USP34: variants seen among roughly 807,000 people sequenced by gnomAD.
USP34 encodes ubiquitin carboxyl-terminal hydrolase 34.
In USP34, 70 loss-of-function variants were observed where a neutral mutation model predicts 460.3. That is an observed-to-expected ratio of 0.15 (90% confidence interval 0.13 to 0.19). The LOEUF is 0.19. USP34 is among the 10% of genes least tolerant of loss of function. The pLI is 1.00. For missense variants in USP34, 3,985 were observed against 4,236.2 expected (o/e 0.94, Z 1.65); for synonymous variants, 1,647 against 1,405.3 (o/e 1.17, Z -3.85).
At chr2:61,391,831 T>C (rs1693355964) in intron 5 of USP34, among the ~76,000 whole-genome samples, 1 of 152,188 alleles carries the variant, frequency 6.6e-6, no homozygotes, top group African/African-American at 2.4e-5. Flanking sequence ...AGAAATTAGC[T>C]TGCAGAGAGC....
chr2:61,248,945 G>A (rs943013564), intron 48 of USP34, among the ~76,000 whole-genome samples: 1 of 152,152 alleles, frequency 6.6e-6, no homozygotes, highest in Non-Finnish European at 1.5e-5. Context: ...CACAGCAAGA[G>A]ATTAACAAGT....
At chr2:61,311,461 A>C (rs1012146455) in intron 27 of USP34, 79 bp downstream of exon 27, 66 of 1,469,082 alleles carry the variant, frequency 4.5e-5, no homozygotes, top group Admixed American at 2.6e-5. Context: ...AAAGAAAAGG[A>C]AAGGAGAAAA....
At chr2:61,262,493 T>C (rs997442101) in intron 43 of USP34, among the ~76,000 whole-genome samples, 5 of 152,186 alleles carry the variant, frequency 3.3e-5, no homozygotes, top group African/African-American at 4.8e-5. Flanking sequence ...GTTCCATACA[T>C]GTTTTTGCAA....
chr2:61,314,850 T>C, intron 24 of USP34, 25 bp downstream of exon 24: 1 of 1,601,032 alleles, frequency 6.2e-7, no homozygotes, highest in Non-Finnish European at 8.5e-7. Context: ...AAATTACCTA[T>C]CAGACAATGT....
Position 61,449,535 on chromosome 2 carries a change from A to C in USP34, c.43+21115T>G, listed in dbSNP as rs115620297. Among the ~76,000 whole-genome samples the C allele has an allele frequency of 8.6e-3, 1,312 of 152,168 alleles. 14 individuals carry two copies. Among genetic ancestry groups the C allele is most frequent in the Non-Finnish European group, 0.011 (745 of 68,014 alleles). On this transcript the variant is annotated intron_variant, in intron 1 of 79. Coordinates refer to ENST00000398571, the MANE Select transcript of USP34 (RefSeq NM_014709.4). Reference sequence around the variant, plus strand: ...AAAAAAAAAACAAAAACAAAAAAAAAACAAAGATTTACACTTTCTGACTTC... The same window carrying C: ...AAAAAAAAAACAAAAACAAAAAAAACACAAAGATTTACACTTTCTGACTTC...
chr2:61,288,657 C>T lies in USP34; in HGVS notation c.4749+20G>A. 1 of 1,608,090 alleles carries T rather than the reference C, an allele frequency of 6.2e-7. No individual in the cohort carries two copies. The highest frequency in any genetic ancestry group is 8.5e-7 in the Non-Finnish European group (1 of 1,175,634). ...AAAATAAATGGAATTCATCATTAAA[C>T]ATTAATTTCTGCACTTTACCTCTGT... On this transcript the variant is annotated intron_variant, in intron 34 of 79. Coordinates refer to ENST00000398571, the MANE Select transcript of USP34 (RefSeq NM_014709.4).
chr2:61,199,325 G>A (rs992784867), intron 75 of USP34, among the ~76,000 whole-genome samples: 7 of 151,670 alleles, frequency 4.6e-5, no homozygotes, highest in East Asian at 1.9e-4. Flanking sequence ...GCGCCATCTC[G>A]GCTCACTGCA....
Position 61,364,899 on chromosome 2 carries a change from C to A in USP34, c.1251+5422G>T, listed in dbSNP as rs77099504. Among the ~76,000 whole-genome samples, 11 of 151,964 alleles carry A rather than the reference C, an allele frequency of 7.2e-5. 1 individual carries two copies. Among genetic ancestry groups the A allele is most frequent in the Admixed American group, 3.3e-4 (5 of 15,252 alleles). The stretch of plus-strand genomic sequence containing the variant: ...GAGCCAAGATCGTACCACTGTACTC[C>A]AGCCTGGGCAACAGAGCAAGACTCT... On this transcript the variant is annotated intron_variant, in intron 10 of 79. Coordinates refer to ENST00000398571, the MANE Select transcript of USP34 (RefSeq NM_014709.4).
intron 1 of USP34, among the ~76,000 whole-genome samples, chr2:61,466,842 G>A (rs534235413): frequency 1.3e-5 from 2 of 151,700 alleles, no homozygotes; most frequent in South Asian, 4.2e-4. Flanking sequence ...AATCCGGGAG[G>A]TGGAGGTTGC....
intron 22 of USP34, 80 bp downstream of exon 22, chr2:61,319,093 A>T: frequency 7.5e-7 from 1 of 1,327,976 alleles, no homozygotes; most frequent in East Asian, 2.7e-5. Context: ...AAAAAAAAAA[A>T]GGCATTACAG....
rs941792973 is a variant in USP34, at chr2:61,277,296, G to C, written c.5433+869C>G. The stretch of plus-strand genomic sequence containing the variant: ...CTGTCACCTAGGCTACAGTGCAGTG[G>C]TGTGATCATGGCTCACTGAAGCCTC... On this transcript the variant is annotated intron_variant, in intron 41 of 79. Coordinates refer to ENST00000398571, the MANE Select transcript of USP34 (RefSeq NM_014709.4). 2.0e-5 allele frequency among the ~76,000 whole-genome samples: 3 copies of C among 150,114 alleles called. No homozygotes were observed. The East Asian group carries it at 5.9e-4, about 29-fold the overall frequency.
intron 3 of USP34, among the ~76,000 whole-genome samples, chr2:61,397,068 C>T (rs1368567262): frequency 6.6e-6 from 1 of 152,084 alleles, no homozygotes; most frequent in Non-Finnish European, 1.5e-5. Context: ...AATATCTCAA[C>T]TTTTTTTGAG....
chr2:61,195,643 G>T (rs917844948), intron 75 of USP34, among the ~76,000 whole-genome samples: 2 of 152,086 alleles, frequency 1.3e-5, no homozygotes, highest in South Asian at 4.1e-4. Flanking sequence ...CTGCACTCCA[G>T]CCTGGGTGAC....
At chr2:61,323,823 T>C (rs1691003569) in intron 21 of USP34, among the ~76,000 whole-genome samples, 1 of 152,228 alleles carries the variant, frequency 6.6e-6, no homozygotes, top group Non-Finnish European at 1.5e-5. Flanking sequence ...TTTTACTTAT[T>C]TCTTGAATGT....
chr2:61,274,443 G>GA (rs199607185), intron 41 of USP34, among the ~76,000 whole-genome samples: 3,854 of 126,570 alleles, frequency 0.03, 156 homozygotes, highest in African/African-American at 0.1. Context: ...AGTCAAGACA[G>GA]AAAAAAAAAA....
chr2:61,441,412 G>T (rs1394180893), intron 1 of USP34, among the ~76,000 whole-genome samples: 1 of 152,038 alleles, frequency 6.6e-6, no homozygotes, highest in Non-Finnish European at 1.5e-5. Flanking sequence ...GAGCTTTATG[G>T]AGTCCCTGCC....
At chr2:61,230,854 A>C (rs1310757706) in intron 58 of USP34, among the ~76,000 whole-genome samples, 9 of 151,798 alleles carry the variant, frequency 5.9e-5, no homozygotes, top group East Asian at 5.8e-4. Context: ...CAAAAAAAAA[A>C]AAAACAAAAC....
At chr2:61,402,662 G>T (rs1693757191) in intron 3 of USP34, among the ~76,000 whole-genome samples, 1 of 152,040 alleles carries the variant, frequency 6.6e-6, no homozygotes, top group Non-Finnish European at 1.5e-5. Flanking sequence ...AAGAATTTTG[G>T]CTAAGTTGTG....
At chr2:61,249,502 T>C (rs1688515417) in intron 48 of USP34, among the ~76,000 whole-genome samples, 1 of 152,252 alleles carries the variant, frequency 6.6e-6, no homozygotes, top group South Asian at 2.1e-4. Flanking sequence ...CTTGCCTGTC[T>C]GCAGGTAACA....
Sources: allele counts gnomAD v4.1 joint callset (sites outside exome capture counted in the v4.1 genomes callset), GRCh38; gene constraint gnomAD v4.1.1; transcripts MANE v1.5; gene names NCBI Gene and HGNC (gene_info 2026-07-23, HGNC 2026-07-21).